The following DOCK1 variants were observed in gnomAD, a reference collection of about 807,000 sequenced individuals.
The protein encoded by DOCK1 is dedicator of cytokinesis 1, also known as dedicator of cytokinesis protein 1.
A neutral mutation model predicts 262.7 loss-of-function variants in DOCK1; 138 were observed. The ratio of observed to expected loss-of-function variants is 0.53; its 90% CI spans 0.46 to 0.61. DOCK1 has a LOEUF of 0.61. Ranked by LOEUF, DOCK1 falls within the 20% of genes least tolerant of loss-of-function variation. The pLI is 0.00. For synonymous variants in DOCK1, 866 were observed against 867.4 expected (o/e 1.00, Z 0.03); for missense variants, 1,908 against 2,370.7 (o/e 0.80, Z 4.05).
At chr10:127,262,117 T>G (rs556289914) in intron 29 of DOCK1, among the ~76,000 whole-genome samples, 188 of 142,470 alleles carry the variant, frequency 1.3e-3, no homozygotes, top group Non-Finnish European at 1.9e-3. Flanking sequence ...TGCATGTGGG[T>G]GTGTGTGTGT....
chr10:127,331,656 G>A (rs1333712649), intron 29 of DOCK1, among the ~76,000 whole-genome samples: 1 of 152,112 alleles, frequency 6.6e-6, no homozygotes, highest in African/African-American at 2.4e-5. Context: ...GGGAAACTTA[G>A]GATTTTATTT....
intron 27 of DOCK1, among the ~76,000 whole-genome samples, chr10:127,139,809 C>T (rs2051049078): frequency 6.6e-6 from 1 of 152,152 alleles, no homozygotes; most frequent in Non-Finnish European, 1.5e-5. Context: ...GACAATCTCT[C>T]CCCACTGAAA....
At chr10:127,231,699 T>G (rs572318100) in intron 27 of DOCK1, among the ~76,000 whole-genome samples, 14 of 152,348 alleles carry the variant, frequency 9.2e-5, no homozygotes, top group Non-Finnish European at 1.5e-4. Flanking sequence ...ATTGATAGAA[T>G]CATTGTCCCC....
chr10:127,295,341 G>C (rs1011560653), intron 29 of DOCK1, among the ~76,000 whole-genome samples: 4 of 152,058 alleles, frequency 2.6e-5, no homozygotes, highest in Admixed American at 6.6e-5. Context: ...ACCAGCTTTC[G>C]TGTGAACTAT....
chr10:127,383,479 G>A (rs2065931372), intron 37 of DOCK1, among the ~76,000 whole-genome samples: 1 of 152,196 alleles, frequency 6.6e-6, no homozygotes, highest in African/African-American at 2.4e-5. Context: ...CAATTGTGAT[G>A]GAGATATGCA....
chr10:127,204,156 A>G (rs936888922), intron 27 of DOCK1, among the ~76,000 whole-genome samples: 3 of 152,210 alleles, frequency 2.0e-5, no homozygotes, highest in Non-Finnish European at 2.9e-5. Context: ...GGGAAAGGGA[A>G]GATCTTAAGA....
intron 27 of DOCK1, among the ~76,000 whole-genome samples, chr10:127,242,726 A>G (rs2059305417): frequency 6.6e-6 from 1 of 152,152 alleles, no homozygotes; most frequent in South Asian, 2.1e-4. Flanking sequence ...TGATTATAAG[A>G]TGGGTTTATT....
At chr10:127,087,204 G>A (rs2047249164) in intron 23 of DOCK1, among the ~76,000 whole-genome samples, 1 of 152,182 alleles carries the variant, frequency 6.6e-6, no homozygotes, top group South Asian at 2.1e-4. Context: ...ATATGTGTGT[G>A]CTGAATTCAA....
intron 29 of DOCK1, among the ~76,000 whole-genome samples, chr10:127,287,646 T>C (rs2061206593): frequency 6.6e-6 from 1 of 152,208 alleles, no homozygotes; most frequent in African/African-American, 2.4e-5. Flanking sequence ...ACAGACTCAG[T>C]GAGATTCAGG....
intron 12 of DOCK1, chr10:127,018,475 T>A: frequency 1.8e-6 from 1 of 563,984 alleles, no homozygotes; most frequent in South Asian, 2.0e-5. Flanking sequence ...CTGATGTGCG[T>A]TCAGCTGTCT....
rs774728310 is a variant in DOCK1, at chr10:127,175,946, C to T, written c.2847+48182C>T. 6.2e-7 allele frequency: 1 copy of T among 1,614,216 alleles called. No homozygotes were observed. The highest frequency in any genetic ancestry group is 1.3e-5 in the African/African-American group (1 of 75,066). On this transcript the variant is annotated intron_variant, in intron 27 of 51. Transcript: ENST00000623213. The surrounding 1 kb of genome is among the most constrained non-coding windows in gnomAD (Gnocchi z 6.3). ...CCTCCTCCATGGGTCCAGCCTCGTT[C>T]TTCTCTTTCGCATCTGTTAGAAACC...
At chr10:127,070,247 G>A (rs1356967196) in intron 23 of DOCK1, among the ~76,000 whole-genome samples, 1 of 115,540 alleles carries the variant, frequency 8.7e-6, no homozygotes, top group Non-Finnish European at 1.7e-5. Context: ...CTTGAATTTA[G>A]CCCTTTTTTT....
intron 1 of DOCK1, among the ~76,000 whole-genome samples, chr10:126,910,679 G>A (rs1564976895): frequency 6.6e-6 from 1 of 152,104 alleles, no homozygotes; most frequent in African/African-American, 2.4e-5. Context: ...TATTGACATC[G>A]ATAGTCAAGG....
At chr10:127,343,524 T>C (rs866835319) in intron 30 of DOCK1, 122 bp from the exon 31 acceptor site, 3 of 809,928 alleles carry the variant, frequency 3.7e-6, no homozygotes, top group Middle Eastern at 4.7e-4. Flanking sequence ...AGAGTGAGTG[T>C]GGGTTTTTTT....
At chr10:126,968,790 T>C (rs532453576) in intron 1 of DOCK1, among the ~76,000 whole-genome samples, 3 of 152,228 alleles carry the variant, frequency 2.0e-5, no homozygotes, top group Non-Finnish European at 4.4e-5. Context: ...GCCTCTGCCC[T>C]GGGCTTCCTT....
At chr10:126,979,267 G>T (rs571040182) in intron 3 of DOCK1, among the ~76,000 whole-genome samples, 2 of 152,212 alleles carry the variant, frequency 1.3e-5, no homozygotes, top group African/African-American at 4.8e-5. Context: ...GCACCTGTAG[G>T]CCCAGCTACT....
At chr10:127,420,755 C>T (rs2068454229) in intron 46 of DOCK1, among the ~76,000 whole-genome samples, 1 of 151,648 alleles carries the variant, frequency 6.6e-6, no homozygotes, top group South Asian at 2.1e-4. Context: ...AGGAGAATCG[C>T]TTGAACCCGG....
chr10:127,362,137 G>C lies in DOCK1; in HGVS notation c.3357G>C (p.Glu1119Asp). 1 of 1,613,912 alleles carries C rather than the reference G, an allele frequency of 6.2e-7. No individual in the cohort carries two copies. Among genetic ancestry groups the C allele is most frequent in the Non-Finnish European group, 8.5e-7 (1 of 1,179,860 alleles). The change falls in exon 33 of 52, where the codon GAG becomes GAC. Residue 1119 changes from glutamate to aspartate, a missense_variant. This residue lies in a region of DOCK1 where 518 missense variants were observed against 575.1 expected (regional missense o/e 0.90). Coordinates refer to ENST00000623213, the MANE Select transcript of DOCK1 (RefSeq NM_001290223.2). ...ILEMTLIPET[E>D]LRKATIPIFF... ...AAATGACATTAATTCCCGAGACGGAGCTGCGCAAAGCCACCATCCCCATCT... is the reference window on the plus strand; with the variant it reads ...AAATGACATTAATTCCCGAGACGGACCTGCGCAAAGCCACCATCCCCATCT...
chr10:126,970,924 G>C, intron 2 of DOCK1, 139 bp downstream of exon 2: 1 of 881,222 alleles, frequency 1.1e-6, no homozygotes. Flanking sequence ...TTTTCTTGCA[G>C]ATGGATACTG....
Sources: gnomAD v4.1 joint callset for allele counts (sites outside exome capture counted in the v4.1 genomes callset) on GRCh38, gnomAD v4.1.1 for gene constraint, gnomAD v4.1.1 regional missense constraint, Gnocchi (gnomAD v3.1) non-coding constraint, MANE v1.5 for transcripts, NCBI Gene and HGNC (gene_info 2026-07-23, HGNC 2026-07-21) for gene names.